The following MAP2K4 variants were observed in gnomAD, a reference collection of about 807,000 sequenced individuals.
MAP2K4 encodes the protein dual specificity mitogen-activated protein kinase kinase 4.
Under a neutral mutation model 48.5 loss-of-function variants are expected in MAP2K4, and 4 were observed. That is an observed-to-expected ratio of 0.08 (90% CI 0.04 to 0.19). MAP2K4 has a LOEUF of 0.19. Among genes scored for constraint, MAP2K4 ranks in the 10% least tolerant of loss-of-function variants. The probability of loss-of-function intolerance (pLI) is 1.00; values close to 1 mark genes in which losing one functional copy is unlikely to be tolerated. For synonymous variants in MAP2K4, 166 were observed against 173.1 expected, an observed-to-expected ratio of 0.96 and a Z score of 0.32; for missense variants, 258 against 493.3, an observed-to-expected ratio of 0.52 and a Z score of 4.52.
chr17:12,115,509 A>G (rs1972459925), intron 7 of MAP2K4: 1 of 609,688 alleles, frequency 1.6e-6, no homozygotes, highest in Non-Finnish European at 3.0e-6. Flanking sequence ...CGGTCAAAAT[A>G]TGGTATAAAG....
At chr17:12,027,810 C>T (rs904001806) in intron 1 of MAP2K4, among the ~76,000 whole-genome samples, 2 of 151,550 alleles carry the variant, frequency 1.3e-5, no homozygotes, top group Admixed American at 6.6e-5. Flanking sequence ...GTGTGGATCT[C>T]CAGGGCTGTT....
chr17:12,095,487 G>T, intron 3 of MAP2K4, 88 bp from the exon 4 acceptor site: 2 of 1,446,186 alleles, frequency 1.4e-6, no homozygotes, highest in Non-Finnish European at 1.9e-6. Flanking sequence ...GTCTCGTAAC[G>T]GTTTTTCTCT....
Position 12,054,982 on chromosome 17 carries a change from A to G in MAP2K4, c.209A>G (p.Asn70Ser), listed in dbSNP as rs1434938057. 2 of 1,604,708 alleles carry G rather than the reference A, an allele frequency of 1.2e-6. No homozygotes were observed. The highest frequency in any genetic ancestry group is 1.1e-5 in the South Asian group (1 of 90,716). Residue 70 changes from asparagine (N) to serine (S), a missense_variant, in exon 2 of 11, where the codon AAC becomes AGC. By Grantham distance (46) the Asn-to-Ser change is conservative (BLOSUM62 1). This residue lies in a region of MAP2K4 where 132 missense variants were observed against 352.8 expected (regional missense o/e 0.37). Transcript: ENST00000353533. Reference sequence around the variant, plus strand: ...AATCCCAATCCTACAGGAGTTCAAAACCCACACATGTGAGTATTCTTGGTA... The same window carrying G: ...AATCCCAATCCTACAGGAGTTCAAAGCCCACACATGTGAGTATTCTTGGTA... Reference protein sequence around the residue: ...TLNPNPTGVQNPHIERLRTHS... With the variant: ...TLNPNPTGVQSPHIERLRTHS...
At chr17:12,084,749 A>G (rs544014708) in intron 3 of MAP2K4, among the ~76,000 whole-genome samples, 1 of 152,272 alleles carries the variant, frequency 6.6e-6, no homozygotes, top group African/African-American at 2.4e-5. Context: ...TACCTCATCT[A>G]TATGTTAACC....
At chr17:12,124,510 A>G (rs1972789671) in intron 7 of MAP2K4, 2 of 152,200 alleles carry the variant, frequency 1.3e-5, no homozygotes, top group Admixed American at 6.5e-5. Flanking sequence ...TATGGGTGGA[A>G]TAATTGTGAT....
Position 12,135,624 on chromosome 17 carries a change from A to G in MAP2K4, c.1041-4215A>G, listed in dbSNP as rs922179358. ...GAGTGCAGTGGCATGATCTTGGCTC[A>G]CTGCAGCCTCCACCTCCCAGGTTCA... On this transcript the variant is annotated intron_variant, in intron 9 of 10. Transcript: ENST00000353533. Among the ~76,000 whole-genome samples the G allele has an allele frequency of 1.8e-4, 27 of 152,196 alleles. 1 individual carries two copies. The highest frequency in any genetic ancestry group is 6.0e-4 in the African/African-American group (25 of 41,540).
At chr17:12,118,321 G>C (rs1334969164) in intron 7 of MAP2K4, among the ~76,000 whole-genome samples, 1 of 152,156 alleles carries the variant, frequency 6.6e-6, no homozygotes, top group Non-Finnish European at 1.5e-5. Flanking sequence ...GAAAAACTGT[G>C]ACGGGATGTA....
chr17:12,045,605 T>C (rs951745951), intron 1 of MAP2K4, among the ~76,000 whole-genome samples: 2 of 152,252 alleles, frequency 1.3e-5, no homozygotes, highest in African/African-American at 4.8e-5. Flanking sequence ...GCATCAGTTA[T>C]GTGGATGGTT....
intron 1 of MAP2K4, among the ~76,000 whole-genome samples, chr17:12,048,352 A>G (rs1261011085): frequency 1.3e-5 from 2 of 152,206 alleles, no homozygotes; most frequent in Non-Finnish European, 2.9e-5. Context: ...TTTACACACA[A>G]AAGTGTAAAA....
intron 4 of MAP2K4, among the ~76,000 whole-genome samples, chr17:12,102,627 A>C (rs371180404): frequency 7.9e-5 from 12 of 152,112 alleles, no homozygotes; most frequent in African/African-American, 2.4e-4. Context: ...ATTTGATGGA[A>C]TTTACCAATG....
intron 1 of MAP2K4, among the ~76,000 whole-genome samples, chr17:12,022,656 G>A (rs1222061820): frequency 5.9e-5 from 9 of 152,132 alleles, no homozygotes; most frequent in Non-Finnish European, 1.0e-4. Context: ...TGCATAAAAC[G>A]CTCATGCTGA....
chr17:12,046,397 C>A (rs1284666883), intron 1 of MAP2K4, among the ~76,000 whole-genome samples: 2 of 152,098 alleles, frequency 1.3e-5, no homozygotes, highest in African/African-American at 4.8e-5. Flanking sequence ...AATTTAGCAA[C>A]ATTTTAAACT....
chr17:12,052,211 ATTAC>A (rs1047892967), intron 1 of MAP2K4, among the ~76,000 whole-genome samples: 17 of 152,284 alleles, frequency 1.1e-4, no homozygotes, highest in Admixed American at 3.3e-4. Context: ...AACCTACAGA[ATTAC>A]TTAGTGTGTT....
intron 1 of MAP2K4, among the ~76,000 whole-genome samples, chr17:12,051,799 AT>A (rs1348952602): frequency 5.3e-5 from 8 of 152,052 alleles, no homozygotes; most frequent in African/African-American, 1.9e-4. Flanking sequence ...ATGGTGACAG[AT>A]TGCCTTTCGG....
At chr17:12,102,374 G>A (rs1439545378) in intron 4 of MAP2K4, among the ~76,000 whole-genome samples, 2 of 151,968 alleles carry the variant, frequency 1.3e-5, no homozygotes, top group African/African-American at 4.8e-5. Flanking sequence ...TGGTTAGGAT[G>A]TTTTATCTTT....
At chr17:12,080,065 C>T (rs1352316706) in intron 2 of MAP2K4, among the ~76,000 whole-genome samples, 1 of 152,104 alleles carries the variant, frequency 6.6e-6, no homozygotes, top group Non-Finnish European at 1.5e-5. Context: ...TTATTTAGAC[C>T]AAGTGTATGA....
At chr17:12,067,435 G>C (rs988293065) in intron 2 of MAP2K4, among the ~76,000 whole-genome samples, 5 of 152,016 alleles carry the variant, frequency 3.3e-5, no homozygotes, top group South Asian at 2.1e-4. Flanking sequence ...CCTGTGCGTG[G>C]TAGAATGTTT....
intron 7 of MAP2K4, among the ~76,000 whole-genome samples, chr17:12,114,608 A>G (rs530508856): frequency 2.0e-5 from 3 of 152,300 alleles, no homozygotes; most frequent in South Asian, 2.1e-4. Context: ...TGTGATTTAC[A>G]TATTTATTAA....
intron 1 of MAP2K4, among the ~76,000 whole-genome samples, chr17:12,023,869 G>A (rs1241888584): frequency 6.6e-6 from 1 of 152,106 alleles, no homozygotes. Flanking sequence ...TTACCTCCCC[G>A]GTGGCTTTGA....
Sources: allele counts gnomAD v4.1 joint callset (sites outside exome capture counted in the v4.1 genomes callset), GRCh38; gene constraint gnomAD v4.1.1; regional missense constraint gnomAD v4.1.1; transcripts MANE v1.5; gene names NCBI Gene and HGNC (gene_info 2026-07-23, HGNC 2026-07-21).